The following PLIN5 variants were observed in gnomAD, a reference collection of about 807,000 sequenced individuals.
The protein encoded by PLIN5 is perilipin 5, also known as perilipin-5.
In PLIN5, 34 loss-of-function variants were observed where a neutral mutation model predicts 32.8. That is an observed-to-expected ratio of 1.04 (90% CI 0.79 to 1.38). The LOEUF (loss-of-function observed/expected upper bound fraction) is 1.38. Ranked by LOEUF, PLIN5 falls within the 40% of genes most tolerant of loss-of-function variation. The probability of loss-of-function intolerance (pLI) is 0.00; values close to 1 mark genes in which losing one functional copy is unlikely to be tolerated. For missense variants in PLIN5, 712 were observed against 660.5 expected, an observed-to-expected ratio of 1.08 and a Z score of -0.85; for synonymous variants, 309 against 292.9, an observed-to-expected ratio of 1.05 and a Z score of -0.56.
Position 4,523,331 on chromosome 19 carries a change from C to G in PLIN5, c.*197G>C. On this transcript the variant is annotated 3_prime_UTR_variant, in exon 8 of 8. Transcript: ENST00000381848. The surrounding 1 kb of genome is among the most constrained non-coding windows in gnomAD (Gnocchi z 5.0). ...TGAATAGGGTTCGAGGCCCTGCTCCCCCGGGCCTCTTTGTCCATGTGTTCA... is the reference window on the plus strand; with the variant it reads ...TGAATAGGGTTCGAGGCCCTGCTCCGCCGGGCCTCTTTGTCCATGTGTTCA... The G allele has an allele frequency of 1.7e-6, 1 of 575,466 alleles. No homozygotes were observed. The highest frequency in any genetic ancestry group is 2.8e-6 in the Non-Finnish European group (1 of 353,836). 35.6% of individuals were successfully genotyped at this position (575,466 alleles called of 1,614,324 possible). A position where few individuals can be genotyped will look rare whatever the true frequency, so the allele number is the denominator to read the frequency against.
At chr19:4,524,902 C>G in intron 7 of PLIN5, 61 bp downstream of exon 7, 2 of 1,417,058 alleles carry the variant, frequency 1.4e-6, no homozygotes, top group Middle Eastern at 2.5e-4. Context: ...TCCGTCGCTC[C>G]CCCTCTTCCT....
At chr19:4,528,938 G>T in intron 5 of PLIN5, 135 bp downstream of exon 5, 3 of 964,802 alleles carry the variant, frequency 3.1e-6, no homozygotes, top group Non-Finnish European at 4.5e-6. Context: ...GGGAGGACAG[G>T]CCTGGTTTTG....
At chr19:4,529,980 A>G (rs1366541687) in intron 3 of PLIN5, 114 bp from the exon 4 acceptor site, 2 of 587,760 alleles carry the variant, frequency 3.4e-6, no homozygotes, top group East Asian at 2.9e-5. Context: ...CAGAGAAGGA[A>G]GGAGACCAGG....
In PLIN5 at chr19:4,529,232, C is replaced by G; in HGVS notation, c.361G>C (p.Val121Leu). Residue 121 changes from valine (V) to leucine (L), a missense_variant, in exon 5 of 8, where the codon GTG (valine) becomes CTG (leucine). By Grantham distance (32) the Val-to-Leu change is conservative (BLOSUM62 1). Coordinates refer to ENST00000381848, the MANE Select transcript of PLIN5 (RefSeq NM_001013706.3). ...SETVVTSAKD[V>L]VASSVTGVVD... ...ACACCCGTGACACTGCTGGCCACCA[C>G]GTCCTTGGCTGAGGTCACCACCTGG... is the stretch of plus-strand genomic sequence containing the variant. 2 of 1,608,842 alleles carry G rather than the reference C, an allele frequency of 1.2e-6. No individual in the cohort carries two copies. Among genetic ancestry groups the G allele is most frequent in the South Asian group, 1.1e-5 (1 of 90,614 alleles).
At chr19:4,528,731 G>A in intron 5 of PLIN5, 1 of 191,890 alleles carries the variant, frequency 5.2e-6, no homozygotes, top group South Asian at 1.5e-4. Flanking sequence ...TTCAAAACAA[G>A]CCAAGAATCG....
At chr19:4,527,848 A>G (rs1356631848) in intron 5 of PLIN5, among the ~76,000 whole-genome samples, 3 of 151,696 alleles carry the variant, frequency 2.0e-5, no homozygotes, top group Non-Finnish European at 4.4e-5. Context: ...TTCTGTCTCA[A>G]AAAAAAAGAA....
At chr19:4,529,516 A>ACG (rs1976853047) in intron 4 of PLIN5, 2 of 524,430 alleles carry the variant, frequency 3.8e-6, no homozygotes, top group Non-Finnish European at 6.8e-6. Flanking sequence ...ATACATGTAT[A>ACG]TATACACATA....
At chr19:4,531,080 A>G (rs1158704956) in intron 3 of PLIN5, among the ~76,000 whole-genome samples, 4 of 150,806 alleles carry the variant, frequency 2.7e-5, no homozygotes, top group African/African-American at 9.8e-5. Flanking sequence ...GGCTGACTGC[A>G]ACTTCTGCCT....
intron 5 of PLIN5, among the ~76,000 whole-genome samples, chr19:4,528,072 G>C (rs1006599563): frequency 6.6e-6 from 1 of 151,846 alleles, no homozygotes; most frequent in Admixed American, 6.6e-5. Context: ...ACCACGCCCG[G>C]CTAATTTTTT....
intron 4 of PLIN5, 69 bp downstream of exon 4, chr19:4,529,715 C>CAACCAACCA: frequency 8.5e-7 from 1 of 1,173,364 alleles, no homozygotes; most frequent in Non-Finnish European, 1.3e-6. Context: ...GTCACCATCC[C>CAACCAACCA]TCCCTCCCTC....
In PLIN5 at chr19:4,525,689, G is replaced by A. The variant is rs751580044; in HGVS notation, c.664C>T (p.Gln222Ter). ...AYEHSVGKLR[Q>*]SKHRAQDTLA... ...GTGTCCTGGGCACGGTGTTTGCTCTGCCTCAGTTTCCCCACAGAGTGCTCG... is the reference window on the plus strand; with the variant it reads ...GTGTCCTGGGCACGGTGTTTGCTCTACCTCAGTTTCCCCACAGAGTGCTCG... Residue 222 changes from glutamine to a stop codon, truncating the protein, a stop_gained, in exon 6 of 8, where the codon CAG (glutamine) becomes TAG (stop). Coordinates refer to ENST00000381848, the MANE Select transcript of PLIN5 (RefSeq NM_001013706.3). LOFTEE classifies it high-confidence loss of function. This position sits in a 1 kb window ranked among gnomAD's most constrained non-coding sequence, Gnocchi z 5.6. 2 of 1,613,770 alleles carry A rather than the reference G, an allele frequency of 1.2e-6. No individual in the cohort carries two copies. Among genetic ancestry groups the A allele is most frequent in the South Asian group, 2.2e-5 (2 of 91,078 alleles).
chr19:4,529,952 TAG>T lies in PLIN5; in HGVS notation c.257-88_257-87del, dbSNP rs532302541. 4 of 774,788 alleles carry T rather than the reference TAG, an allele frequency of 5.2e-6. No homozygotes were observed. In the African/African-American group the frequency reaches 6.9e-5, roughly 13 times the overall value. 48.0% of individuals were successfully genotyped at this position (774,788 alleles called of 1,614,324 possible). On this transcript the variant is annotated intron_variant, in intron 3 of 7. Transcript: ENST00000381848. ...TGAGAGTTGTAGAAGGAGGGAATGCTAGAGAGAGAAGCAGAGACAGAGAAGGA... is the reference window on the plus strand; with the variant it reads ...TGAGAGTTGTAGAAGGAGGGAATGCTAGAGAGAAGCAGAGACAGAGAAGGA...
In PLIN5 at chr19:4,531,825, G is replaced by C; in HGVS notation, c.61-3C>G. The stretch of plus-strand genomic sequence containing the variant: ...GCCACCACACGCTGCACCACGTTCT[G>C]CGGGAAGGGTCGGCATCAGGGGGAC... On this transcript the variant is annotated splice_region_variant and splice_polypyrimidine_tract_variant and intron_variant, in intron 2 of 7. Transcript: ENST00000381848. 1 of 1,540,510 alleles carries C rather than the reference G, an allele frequency of 6.5e-7. No individual in the cohort carries two copies. Among genetic ancestry groups the C allele is most frequent in the Non-Finnish European group, 8.8e-7 (1 of 1,142,676 alleles).
Position 4,524,009 on chromosome 19 carries a change from C to T in PLIN5, c.911G>A (p.Ser304Asn). ...GGCGCCGGCGGGCAGGCCCCGCACGCTGGACTCCAGAGCCTCTACCGTGCC... is the reference window on the plus strand; with the variant it reads ...GGCGCCGGCGGGCAGGCCCCGCACGTTGGACTCCAGAGCCTCTACCGTGCC... Reference protein sequence around the residue: ...LQGTVEALESSVRGLPAGAQE... With the variant: ...LQGTVEALESNVRGLPAGAQE... Residue 304 changes from serine (S) to asparagine (N), a missense_variant, in exon 8 of 8, where the codon AGC (serine) becomes AAC (asparagine). By Grantham distance (46) the Ser-to-Asn change is conservative (BLOSUM62 1). Transcript: ENST00000381848. The T allele has an allele frequency of 6.6e-7, 1 of 1,517,310 alleles. No homozygotes were observed. Among genetic ancestry groups the T allele is most frequent in the Non-Finnish European group, 8.8e-7 (1 of 1,140,260 alleles). The allele number at this position is 1,517,310 out of a possible 1,614,324, so 94.0% of individuals were successfully genotyped here.
intron 2 of PLIN5, chr19:4,532,943 T>C (rs116217954): frequency 0.079 from 12,022 of 152,132 alleles, 563 homozygotes; most frequent in African/African-American, 0.13. Flanking sequence ...GCTGGGATTA[T>C]AGGCATGAGC....
At chr19:4,530,207 G>A (rs1015117867) in intron 3 of PLIN5, among the ~76,000 whole-genome samples, 1 of 152,168 alleles carries the variant, frequency 6.6e-6, no homozygotes, top group Non-Finnish European at 1.5e-5. Context: ...GGGGCCCTGA[G>A]GGTGTGGGTA....
intron 2 of PLIN5, among the ~76,000 whole-genome samples, chr19:4,532,051 G>A (rs1416983156): frequency 6.6e-6 from 1 of 152,214 alleles, no homozygotes; most frequent in Non-Finnish European, 1.5e-5. Context: ...TTACAATTTT[G>A]TTTGTAATGG....
rs1227484913 is a variant in PLIN5, at chr19:4,531,802, C to T, written c.81G>A (p.Val27=). 6.4e-7 allele frequency: 1 copy of T among 1,574,380 alleles called. No individual in the cohort carries two copies. Among genetic ancestry groups the T allele is most frequent in the East Asian group, 2.3e-5 (1 of 43,250 alleles). The change falls in exon 3 of 8, where the codon GTG becomes GTA. Residue 27 remains valine (V), a synonymous_variant. Coordinates refer to ENST00000381848, the MANE Select transcript of PLIN5 (RefSeq NM_001013706.3). The part of the protein sequence containing the change: ...QDQQNVVQRV[V]ALPLVRATCT... ...ACGTGGCCCTGACCAGGGGCAGAGCCACCACACGCTGCACCACGTTCTGCG... is the reference window on the plus strand; with the variant it reads ...ACGTGGCCCTGACCAGGGGCAGAGCTACCACACGCTGCACCACGTTCTGCG...
chr19:4,523,623 C>T lies in PLIN5; in HGVS notation c.1297G>A (p.Asp433Asn). 6.2e-7 allele frequency: 1 copy of T among 1,611,432 alleles called. No individual in the cohort carries two copies. Among genetic ancestry groups the T allele is most frequent in the Non-Finnish European group, 8.5e-7 (1 of 1,179,414 alleles). ...HRDGSGNGDG[D>N]RMGVAGDICE... The stretch of plus-strand genomic sequence containing the variant: ...ATGTCCCCGGCAACACCCATCCTGT[C>T]CCCATCCCCATTCCCACTCCCGTCC... The change falls in exon 8 of 8, where the codon GAC becomes AAC. Residue 433 changes from aspartate (D) to asparagine (N), a missense_variant. By Grantham distance (23) the Asp-to-Asn change is conservative. Transcript: ENST00000381848. The surrounding 1 kb of genome is among the most constrained non-coding windows in gnomAD (Gnocchi z 5.0).
Sources: allele counts gnomAD v4.1 joint callset (sites outside exome capture counted in the v4.1 genomes callset), GRCh38; gene constraint gnomAD v4.1.1; non-coding constraint Gnocchi (gnomAD v3.1); transcripts MANE v1.5; gene names NCBI Gene and HGNC (gene_info 2026-07-23, HGNC 2026-07-21).